PELP1: variants seen among roughly 807,000 people sequenced by gnomAD.
PELP1 encodes the protein proline, glutamate and leucine rich protein 1.
A neutral mutation model predicts 95.5 loss-of-function variants in PELP1; 32 were observed. That is an observed-to-expected ratio of 0.34 (90% CI 0.25 to 0.45). The LOEUF (loss-of-function observed/expected upper bound fraction) is 0.45, where lower values mean the gene tolerates loss of function less well. Among genes scored for constraint, PELP1 ranks in the 20% least tolerant of loss-of-function variants. The probability of loss-of-function intolerance (pLI) is 1.00; values close to 1 mark genes in which losing one functional copy is unlikely to be tolerated. For synonymous variants in PELP1, 668 were observed against 600.1 expected, an observed-to-expected ratio of 1.11 and a Z score of -1.65; for missense variants, 1,358 against 1,444.8, an observed-to-expected ratio of 0.94 and a Z score of 0.97.
At chr17:4,698,289 A>C (rs1913373529) in intron 1 of PELP1, among the ~76,000 whole-genome samples, 1 of 152,100 alleles carries the variant, frequency 6.6e-6, no homozygotes, top group Admixed American at 6.6e-5. Context: ...AAAAATATCA[A>C]GATCATAAGA....
chr17:4,695,549 C>T (rs1253640904), intron 1 of PELP1, among the ~76,000 whole-genome samples: 1 of 150,960 alleles, frequency 6.6e-6, no homozygotes, highest in Non-Finnish European at 1.5e-5. Context: ...ACCTGCAGTC[C>T]CAGCTACTCG....
In PELP1 at chr17:4,673,208, A is replaced by T; in HGVS notation, c.1845+42T>A. 6.5e-7 allele frequency: 1 copy of T among 1,535,702 alleles called. No homozygotes were observed. Among genetic ancestry groups the T allele is most frequent in the Non-Finnish European group, 8.8e-7 (1 of 1,136,680 alleles). On this transcript the variant is annotated intron_variant, in intron 15 of 16. Transcript: ENST00000572293. This position sits in a 1 kb window ranked among gnomAD's most constrained non-coding sequence, Gnocchi z 5.7. Reference sequence around the variant, plus strand: ...ATACTGGGAGTCTCTTGGAAACAAGAGACTCCAGGAACCAAAGAGGGGCTT... The same window carrying T: ...ATACTGGGAGTCTCTTGGAAACAAGTGACTCCAGGAACCAAAGAGGGGCTT...
Position 4,671,933 on chromosome 17 carries a change from C to T in PELP1, c.3058G>A (p.Ala1020Thr). Residue 1020 changes from alanine (A) to threonine (T), a missense_variant, in exon 16 of 17, where the codon GCT becomes ACT. Physicochemically the swap from Ala to Thr is moderately conservative, Grantham distance 58. This residue lies in a region of PELP1 where 283 missense variants were observed against 284.1 expected (regional missense o/e 1.00). Transcript: ENST00000572293. ...EEPGTEEERG[A>T]DTAPTLAPEA... ...GGGGCCAGGGTGGGAGCTGTGTCAG[C>T]CCCACGCTCCTCCTCCGTCCCTGGC... is the stretch of plus-strand genomic sequence containing the variant. 2 of 1,523,756 alleles carry T rather than the reference C, an allele frequency of 1.3e-6. No individual in the cohort carries two copies. The highest frequency in any genetic ancestry group is 1.8e-6 in the Non-Finnish European group (2 of 1,140,858). 94.4% of individuals were successfully genotyped at this position (1,523,756 alleles called of 1,614,324 possible). A position where few individuals can be genotyped will look rare whatever the true frequency, so the allele number is the denominator to read the frequency against.
Position 4,676,741 on chromosome 17 carries a change from C to T in PELP1, c.702+12G>A. 9.6e-6 allele frequency: 15 copies of T among 1,563,616 alleles called. No individual in the cohort carries two copies. The highest frequency in any genetic ancestry group is 1.3e-5 in the Non-Finnish European group (15 of 1,152,862). On this transcript the variant is annotated intron_variant, in intron 6 of 16. Transcript: ENST00000572293. ...GATCCCCGGGCTCTCCCTCTCCCTC[C>T]CTGCCCTTTACCTGTTGGAGCTGAG...
chr17:4,677,489 C>T (rs573859099), intron 5 of PELP1, among the ~76,000 whole-genome samples: 1 of 152,356 alleles, frequency 6.6e-6, no homozygotes, highest in East Asian at 1.9e-4. Context: ...GTAGTATCAG[C>T]AGTACCTGTG....
rs28494862 is a variant in PELP1 at position 4,681,852 on chromosome 17, T to A, written c.642+650A>T. 2.2e-3 allele frequency among the ~76,000 whole-genome samples: 322 copies of A among 148,258 alleles called. 1 individual carries two copies. The highest frequency in any genetic ancestry group is 6.1e-3 in the African/African-American group (246 of 40,428). The stretch of plus-strand genomic sequence containing the variant: ...GTGAATTGGTTGAACGTTAAAAATT[T>A]AAAAAAAAAATGAATAAAGTAAGAT... On this transcript the variant is annotated intron_variant, in intron 5 of 16. Transcript: ENST00000572293.
rs954850853 is a variant in PELP1, at chr17:4,669,849, G to A, written c.*1590C>T. On this transcript the variant is annotated 3_prime_UTR_variant, in exon 17 of 17. Transcript: ENST00000572293. ...GTTATTTTTCTTAGGTTTGATAATG[G>A]TATCAGGATTGTGCAGAAAAACATT... 1 of 151,878 alleles carries A rather than the reference G, an allele frequency of 6.6e-6. No homozygotes were observed. Among genetic ancestry groups the A allele is most frequent in the Non-Finnish European group, 1.5e-5 (1 of 67,996 alleles). The allele number at this position is 151,878 out of a possible 1,614,324, so 9.4% of individuals were successfully genotyped here.
intron 3 of PELP1, among the ~76,000 whole-genome samples, chr17:4,689,910 C>T (rs1913035074): frequency 6.6e-6 from 1 of 152,122 alleles, no homozygotes. Flanking sequence ...CTTGTAATCC[C>T]AGCTACTCAG....
At chr17:4,691,714 T>TGATA in intron 1 of PELP1, 1 of 444,340 alleles carries the variant, frequency 2.3e-6, no homozygotes, top group Non-Finnish European at 4.0e-6. Flanking sequence ...GCCCAACTAA[T>TGATA]CCCACTACCA....
At position 4,691,330 on chromosome 17, in the gene PELP1, T is replaced by C. The variant is rs374062205; in HGVS notation, c.314+48A>G. ...AAAGCAAAGATGTACATATGCCCAC[T>C]TCCTAAGGGAACACGCCCCTGGAGA... On this transcript the variant is annotated intron_variant, in intron 2 of 16. Coordinates refer to ENST00000572293, the MANE Select transcript of PELP1 (RefSeq NM_014389.3). 4 of 1,360,266 alleles carry C rather than the reference T, an allele frequency of 2.9e-6. No homozygotes were observed. The Admixed American group carries it at 5.2e-5, about 18-fold the overall frequency. 84.3% of individuals were successfully genotyped at this position (1,360,266 alleles called of 1,614,324 possible).
At chr17:4,702,644 T>G (rs933654603) in intron 1 of PELP1, among the ~76,000 whole-genome samples, 5 of 152,146 alleles carry the variant, frequency 3.3e-5, no homozygotes, top group Admixed American at 2.0e-4. Context: ...GATAGGGTTA[T>G]CTGTGATAAA....
chr17:4,704,122 G>A lies in PELP1; in HGVS notation c.-11C>T. ...AACGGCTGCCGCCATCTTCCCCCGG[G>A]TTCCAGTGGTGGCGTGGCGCGATGA... On this transcript the variant is annotated 5_prime_UTR_variant, in exon 1 of 17. Transcript: ENST00000572293. 1 of 1,602,418 alleles carries A rather than the reference G, an allele frequency of 6.2e-7. No homozygotes were observed. The highest frequency in any genetic ancestry group is 8.5e-7 in the Non-Finnish European group (1 of 1,177,040).
intron 5 of PELP1, 30 bp downstream of exon 5, chr17:4,682,472 T>C (rs1437173521): frequency 7.0e-7 from 1 of 1,432,700 alleles, no homozygotes; most frequent in Non-Finnish European, 9.9e-7. Flanking sequence ...ACGCTTACAC[T>C]GGTGGGGAGA....
intron 1 of PELP1, among the ~76,000 whole-genome samples, chr17:4,702,713 T>G (rs1913591161): frequency 6.6e-6 from 1 of 152,172 alleles, no homozygotes; most frequent in African/African-American, 2.4e-5. Flanking sequence ...TCCTGGAAGG[T>G]AGCATAGAGC....
At chr17:4,684,351 C>T (rs1912830609) in intron 3 of PELP1, among the ~76,000 whole-genome samples, 1 of 152,176 alleles carries the variant, frequency 6.6e-6, no homozygotes, top group South Asian at 2.1e-4. Flanking sequence ...TCTGTTTAAC[C>T]TTGCCCATAA....
At chr17:4,680,867 C>T (rs1296479460) in intron 5 of PELP1, among the ~76,000 whole-genome samples, 1 of 152,238 alleles carries the variant, frequency 6.6e-6, no homozygotes, top group South Asian at 2.1e-4. Context: ...GTGCCAATTA[C>T]GAATGGCCCT....
chr17:4,692,863 A>T (rs1032884553), intron 1 of PELP1, among the ~76,000 whole-genome samples: 1 of 152,074 alleles, frequency 6.6e-6, no homozygotes, highest in Non-Finnish European at 1.5e-5. Flanking sequence ...TAGAAAAATT[A>T]GCTAGTTATG....
chr17:4,703,492 G>A (rs951271121), intron 1 of PELP1, among the ~76,000 whole-genome samples: 4 of 152,070 alleles, frequency 2.6e-5, no homozygotes, highest in Admixed American at 6.6e-5. Context: ...ATAAGAGCTC[G>A]GTAAATGTTT....
At chr17:4,681,837 T>C (rs904902875) in intron 5 of PELP1, among the ~76,000 whole-genome samples, 28 of 151,456 alleles carry the variant, frequency 1.8e-4, no homozygotes, top group African/African-American at 6.6e-4. Context: ...GTGAATTGGT[T>C]GAACGTTAAA....
Sources: allele counts gnomAD v4.1 joint callset (sites outside exome capture counted in the v4.1 genomes callset), GRCh38; gene constraint gnomAD v4.1.1; regional missense constraint gnomAD v4.1.1; non-coding constraint Gnocchi (gnomAD v3.1); transcripts MANE v1.5; gene names NCBI Gene and HGNC (gene_info 2026-07-23, HGNC 2026-07-21).